GPHN: variants seen among roughly 807,000 people sequenced by gnomAD.
The protein encoded by GPHN is gephyrin.
GPHN carries 17 observed loss-of-function variants against 95.5 expected under a neutral mutation model. That is an observed-to-expected ratio of 0.18 (90% CI 0.12 to 0.27). The LOEUF is 0.27. Among genes scored for constraint, GPHN ranks in the 10% least tolerant of loss-of-function variants. The pLI is 1.00. For missense variants in GPHN, 660 were observed against 978.1 expected, an observed-to-expected ratio of 0.67 and a Z score of 4.34; for synonymous variants, 320 against 322.5, an observed-to-expected ratio of 0.99 and a Z score of 0.08.
chr14:67,051,722 T>A (rs2075314906), intron 10 of GPHN, among the ~76,000 whole-genome samples: 1 of 152,080 alleles, frequency 6.6e-6, no homozygotes, highest in South Asian at 2.1e-4. Context: ...AAGGCCAGGT[T>A]ACCTATAAAG....
At chr14:66,567,515 G>T (rs1278163104) in intron 1 of GPHN, among the ~76,000 whole-genome samples, 1 of 152,134 alleles carries the variant, frequency 6.6e-6, no homozygotes, top group East Asian at 1.9e-4. Flanking sequence ...TACATTGTGG[G>T]TTCTCAGTAA....
At chr14:67,374,580 A>T in the GPHN span, 1 of 1,383,874 alleles carries the variant, frequency 7.2e-7, no homozygotes. Context: ...TTAGTCCACT[A>T]TCTGTGTGTT....
intron 4 of GPHN, among the ~76,000 whole-genome samples, chr14:66,856,756 T>C (rs1469633109): frequency 1.3e-5 from 2 of 152,084 alleles, no homozygotes; most frequent in Non-Finnish European, 2.9e-5. Context: ...TTTTTCTAAA[T>C]GTACACCTCT....
At chr14:67,645,680 T>G in the GPHN span, 2 of 1,613,808 alleles carry the variant, frequency 1.2e-6, no homozygotes, top group Admixed American at 3.3e-5. Flanking sequence ...TGCCCGACAC[T>G]GCCCAGACCT....
the GPHN span, chr14:67,381,565 A>T: frequency 1.3e-6 from 2 of 1,581,118 alleles, no homozygotes; most frequent in Admixed American, 1.7e-5. Flanking sequence ...TGCATTTTTT[A>T]TCAACTTTTG....
chr14:67,231,739 G>A, the GPHN span, among the ~76,000 whole-genome samples: 1 of 152,256 alleles, frequency 6.6e-6, no homozygotes. Context: ...AGGCCGAGGT[G>A]GGCGGAGCAC....
the GPHN span, among the ~76,000 whole-genome samples, chr14:67,225,954 TGTGTGTGTGCGCGC>T: frequency 2.2e-5 from 3 of 138,022 alleles, no homozygotes; most frequent in African/African-American, 9.1e-5. Flanking sequence ...TGTGTGTGTG[TGTGTGTGTGCGCGC>T]GCGCGCGTGC....
chr14:66,777,672 C>T (rs538259816), intron 3 of GPHN, among the ~76,000 whole-genome samples: 316 of 152,228 alleles, frequency 2.1e-3, no homozygotes, highest in African/African-American at 6.8e-3. Flanking sequence ...GTTCAATTTA[C>T]GCAAATCAAT....
chr14:67,674,310 G>C, the GPHN span: 2 of 1,409,734 alleles, frequency 1.4e-6, no homozygotes, highest in South Asian at 2.6e-5. Flanking sequence ...GAGGAAGGTG[G>C]GAGAATCTTC....
the GPHN span, among the ~76,000 whole-genome samples, chr14:67,406,948 G>A: frequency 2.0e-5 from 3 of 152,072 alleles, no homozygotes; most frequent in Admixed American, 6.5e-5. Flanking sequence ...TCTGTAATCC[G>A]CTGGCTGGAA....
rs1465913247 is a variant in GPHN at position 67,179,713 on chromosome 14, T to A, written c.2176+39T>A. On this transcript the variant is annotated intron_variant, in intron 22 of 22. Transcript: ENST00000478722. ...ATCTACAGATATTCCTAGACACCTATCCTGTTAAAACACAAACTTATATAT... is the reference window on the plus strand; with the variant it reads ...ATCTACAGATATTCCTAGACACCTAACCTGTTAAAACACAAACTTATATAT... 3.0e-6 allele frequency: 3 copies of A among 1,006,872 alleles called. No individual in the cohort carries two copies. In the East Asian group the frequency reaches 7.1e-5, roughly 24 times the overall value. The allele number at this position is 1,006,872 out of a possible 1,614,324, so 62.4% of individuals were successfully genotyped here.
chr14:66,750,318 T>C (rs2058320208), intron 2 of GPHN, among the ~76,000 whole-genome samples: 1 of 151,876 alleles, frequency 6.6e-6, no homozygotes, highest in Non-Finnish European at 1.5e-5. Flanking sequence ...AGATTCTGAG[T>C]TCTTTCGGAA....
intron 10 of GPHN, among the ~76,000 whole-genome samples, chr14:67,036,501 G>GCACACACACACACACA (rs762967467): frequency 0.042 from 4,955 of 117,982 alleles, 332 homozygotes; most frequent in African/African-American, 0.1. Context: ...ATACATACAT[G>GCACACACACACACACA]CACACACACA....
intron 4 of GPHN, among the ~76,000 whole-genome samples, chr14:66,854,153 C>T (rs368876123): frequency 1.3e-5 from 2 of 152,102 alleles, no homozygotes; most frequent in Non-Finnish European, 2.9e-5. Flanking sequence ...AATCAAAGAA[C>T]AAAATAACCT....
the GPHN span, among the ~76,000 whole-genome samples, chr14:67,598,515 G>A: frequency 6.8e-6 from 1 of 146,872 alleles, no homozygotes; most frequent in African/African-American, 2.5e-5. Context: ...CTTCGTTCTA[G>A]GGCTAAAGTA....
the GPHN span, chr14:67,585,646 A>G: frequency 6.4e-7 from 1 of 1,564,428 alleles, no homozygotes; most frequent in Non-Finnish European, 8.7e-7. Context: ...CCTGGACCAC[A>G]ACACTATGGT....
rs142261450 is a variant in GPHN at position 66,765,299 on chromosome 14, C to T, written c.144-11165C>T. Among the ~76,000 whole-genome samples the T allele has an allele frequency of 3.7e-3, 565 of 152,312 alleles. 8 individuals carry two copies. The highest frequency in any genetic ancestry group is 0.02 in the Admixed American group (299 of 15,292). ...AAAACAGAATTACCATTTGACCCAG[C>T]AATTCCATTATTGGATACATAACCA... On this transcript the variant is annotated intron_variant, in intron 2 of 22. Coordinates refer to ENST00000478722, the MANE Select transcript of GPHN (RefSeq NM_020806.5).
chr14:67,019,467 C>T (rs2073487311), intron 9 of GPHN, among the ~76,000 whole-genome samples: 1 of 152,088 alleles, frequency 6.6e-6, no homozygotes, highest in Non-Finnish European at 1.5e-5. Context: ...TACTGTATAC[C>T]ATTTACAAGA....
At chr14:67,394,844 C>A in the GPHN span, among the ~76,000 whole-genome samples, 1 of 152,236 alleles carries the variant, frequency 6.6e-6, no homozygotes, top group African/African-American at 2.4e-5. Context: ...GGGAATGGGA[C>A]TGGTGGCTTT....
Sources: gnomAD v4.1 joint callset for allele counts (sites outside exome capture counted in the v4.1 genomes callset) on GRCh38, gnomAD v4.1.1 for gene constraint, MANE v1.5 for transcripts, NCBI Gene and HGNC (gene_info 2026-07-23, HGNC 2026-07-21) for gene names.